The following F13A1 variants were observed in gnomAD, a reference collection of about 807,000 sequenced individuals.
F13A1 encodes the protein coagulation factor XIII A chain, also known as FSF, A subunit.
A neutral mutation model predicts 80.1 loss-of-function variants in F13A1; 47 were observed. The ratio of observed to expected loss-of-function variants is 0.59; its 90% CI spans 0.46 to 0.75. The LOEUF is 0.75. F13A1 is among the 30% of genes least tolerant of loss of function. The pLI is 0.00. For synonymous variants in F13A1, 349 were observed against 344.9 expected, an observed-to-expected ratio of 1.01 and a Z score of -0.13; for missense variants, 817 against 930.4, an observed-to-expected ratio of 0.88 and a Z score of 1.59.
At chr6:6,319,660 C>A (rs773128875) in intron 1 of F13A1, among the ~76,000 whole-genome samples, 6 of 152,138 alleles carry the variant, frequency 3.9e-5, no homozygotes, top group Admixed American at 2.0e-4. Flanking sequence ...TTTTCAAAAA[C>A]CAGGCACACC....
intron 7 of F13A1, among the ~76,000 whole-genome samples, chr6:6,224,301 T>C (rs866501550): frequency 5.3e-5 from 8 of 152,244 alleles, no homozygotes; most frequent in Non-Finnish European, 7.3e-5. Flanking sequence ...AACTTCTCAA[T>C]GATAAATAAG....
chr6:6,288,138 C>A (rs1171822180), intron 3 of F13A1, among the ~76,000 whole-genome samples: 1 of 152,138 alleles, frequency 6.6e-6, no homozygotes, highest in Non-Finnish European at 1.5e-5. Flanking sequence ...CCTTTCTTTT[C>A]TATGTACATG....
chr6:6,263,395 G>T (rs1324198825), intron 4 of F13A1, among the ~76,000 whole-genome samples: 2 of 152,150 alleles, frequency 1.3e-5, no homozygotes, highest in African/African-American at 4.8e-5. Context: ...AAACAGAGTT[G>T]ACTGCTGTCT....
chr6:6,191,759 G>A (rs1761204615), intron 10 of F13A1, among the ~76,000 whole-genome samples: 1 of 152,234 alleles, frequency 6.6e-6, no homozygotes, highest in Admixed American at 6.5e-5. Context: ...CAGAGAAAAT[G>A]CTGCTTCTCA....
Position 6,174,724 on chromosome 6 carries a change from T to G in F13A1, c.1603A>C (p.Lys535Gln). ...VENAVLGKDF[K>Q]LSITFRNNSH... is the part of the protein sequence containing the mutation. ...TTGTTCCGGAAGGTGATGGAGAGCTTGAAGTCTTTTCCCAGCACAGCATTT... is the reference window on the plus strand; with the variant it reads ...TTGTTCCGGAAGGTGATGGAGAGCTGGAAGTCTTTTCCCAGCACAGCATTT... Residue 535 changes from lysine to glutamine, a missense_variant, in exon 12 of 15, where the codon AAG becomes CAG. Coordinates refer to ENST00000264870, the MANE Select transcript of F13A1 (RefSeq NM_000129.4). 6.2e-7 allele frequency: 1 copy of G among 1,614,144 alleles called. No homozygotes were observed. The highest frequency in any genetic ancestry group is 2.2e-5 in the East Asian group (1 of 44,860).
In F13A1 at chr6:6,165,756, A is replaced by AT. The variant is rs1315018870; in HGVS notation, c.1908+1701dup. On this transcript the variant is annotated intron_variant, in intron 13 of 14. Coordinates refer to ENST00000264870, the MANE Select transcript of F13A1 (RefSeq NM_000129.4). ...AGCTATTAACTTCACGTTCTCATGG[A>AT]TGATGGTACCTCTGCAGCAACCCTA... 1.1e-4 allele frequency among the ~76,000 whole-genome samples: 16 copies of AT among 152,318 alleles called. No homozygotes were observed. In the East Asian group the frequency reaches 3.1e-3, roughly 29 times the overall value.
intron 10 of F13A1, among the ~76,000 whole-genome samples, chr6:6,183,565 T>C (rs1180348138): frequency 6.6e-6 from 1 of 152,210 alleles, no homozygotes; most frequent in Non-Finnish European, 1.5e-5. Flanking sequence ...CTAAATCCAT[T>C]ATATTTTACA....
chr6:6,257,748 A>G (rs1757722113), intron 4 of F13A1, among the ~76,000 whole-genome samples: 1 of 152,194 alleles, frequency 6.6e-6, no homozygotes, highest in African/African-American at 2.4e-5. Flanking sequence ...CCTTACAAAC[A>G]TGCTGCATTA....
chr6:6,193,732 T>C (rs1483344472), intron 10 of F13A1, among the ~76,000 whole-genome samples: 2 of 152,168 alleles, frequency 1.3e-5, no homozygotes, highest in Non-Finnish European at 2.9e-5. Flanking sequence ...AGGTCCTCCT[T>C]CTCCTTCTTT....
intron 3 of F13A1, among the ~76,000 whole-genome samples, chr6:6,276,415 G>C (rs1288134962): frequency 6.6e-6 from 1 of 152,166 alleles, no homozygotes; most frequent in Admixed American, 6.5e-5. Context: ...GTTTTCTACT[G>C]TTCCTAATTC....
At chr6:6,197,592 C>T (rs774904343) in intron 8 of F13A1, among the ~76,000 whole-genome samples, 1 of 151,716 alleles carries the variant, frequency 6.6e-6, no homozygotes, top group African/African-American at 2.4e-5. Flanking sequence ...GCAGGAGAAT[C>T]GCTTGAATCT....
At position 6,197,286 on chromosome 6, in the gene F13A1, C is replaced by G. The variant is rs1438384454; in HGVS notation, c.1153G>C (p.Asp385His). ...CWNEAWMTRP[D>H]LPVGFGGWQA... is the part of the protein sequence containing the mutation. The stretch of plus-strand genomic sequence containing the variant: ...CAGCCTCCAAATCCAACAGGAAGGT[C>G]AGGCCTTGTCATCCATGCTTCATTC... The change falls in exon 9 of 15, where the codon GAC becomes CAC. Residue 385 changes from aspartate to histidine, a missense_variant. Transcript: ENST00000264870. 1.2e-6 allele frequency: 2 copies of G among 1,614,226 alleles called. No homozygotes were observed. The highest frequency in any genetic ancestry group is 1.1e-5 in the South Asian group (1 of 91,086).
At chr6:6,293,883 G>C (rs1156852530) in intron 3 of F13A1, among the ~76,000 whole-genome samples, 1 of 151,668 alleles carries the variant, frequency 6.6e-6, no homozygotes, top group East Asian at 1.9e-4. Context: ...CCTAGGTTCT[G>C]AGAACAGCAA....
chr6:6,279,598 G>A (rs58163119), intron 3 of F13A1, among the ~76,000 whole-genome samples: 5,869 of 152,178 alleles, frequency 0.039, 148 homozygotes, highest in African/African-American at 0.076. Flanking sequence ...TAGCATCTTC[G>A]AGACCCATCT....
Position 6,272,631 on chromosome 6 carries a change from A to G in F13A1, c.320-5822T>C, listed in dbSNP as rs545281159. Reference sequence around the variant, plus strand: ...CGAACGTAGGAGAGCCAGGGTCACAACCTTTTTAAATCAACTGCATCTGAA... The same window carrying G: ...CGAACGTAGGAGAGCCAGGGTCACAGCCTTTTTAAATCAACTGCATCTGAA... On this transcript the variant is annotated intron_variant, in intron 3 of 14. Coordinates refer to ENST00000264870, the MANE Select transcript of F13A1 (RefSeq NM_000129.4). 2.6e-5 allele frequency among the ~76,000 whole-genome samples: 4 copies of G among 152,244 alleles called. No individual in the cohort carries two copies. In the South Asian group the frequency reaches 8.3e-4, roughly 32 times the overall value.
intron 9 of F13A1, among the ~76,000 whole-genome samples, chr6:6,196,136 T>C (rs537528503): frequency 6.6e-6 from 1 of 152,368 alleles, no homozygotes; most frequent in South Asian, 2.1e-4. Flanking sequence ...TACAGACACA[T>C]ACCCAGATGT....
chr6:6,230,820 T>G (rs1757341380), intron 6 of F13A1, among the ~76,000 whole-genome samples: 1 of 152,096 alleles, frequency 6.6e-6, no homozygotes, highest in Admixed American at 6.5e-5. Flanking sequence ...ACTTGCTGGG[T>G]GGGTAGACCC....
chr6:6,268,038 T>C (rs989946461), intron 3 of F13A1, among the ~76,000 whole-genome samples: 3 of 152,230 alleles, frequency 2.0e-5, no homozygotes, highest in South Asian at 2.1e-4. Context: ...ATCCAAGTTA[T>C]ACAAAAATAG....
At chr6:6,228,667 G>C (rs1757309847) in intron 6 of F13A1, among the ~76,000 whole-genome samples, 2 of 146,184 alleles carry the variant, frequency 1.4e-5, no homozygotes, top group Admixed American at 1.4e-4. Flanking sequence ...CGGGGAGGCA[G>C]AGGTTGCAGT....
Sources: gnomAD v4.1 joint callset for allele counts (sites outside exome capture counted in the v4.1 genomes callset) on GRCh38, gnomAD v4.1.1 for gene constraint, MANE v1.5 for transcripts, NCBI Gene and HGNC (gene_info 2026-07-23, HGNC 2026-07-21) for gene names.